STAG1: variants seen among roughly 807,000 people sequenced by gnomAD.
The protein encoded by STAG1 is STAG1 cohesin complex component.
Under a neutral mutation model 170.9 loss-of-function variants are expected in STAG1, and 26 were observed. The ratio of observed to expected loss-of-function variants is 0.15; its 90% confidence interval spans 0.11 to 0.21. The LOEUF is 0.21. STAG1 is among the 10% of genes least tolerant of loss of function. STAG1 has a pLI of 1.00. For missense variants in STAG1, 964 were observed against 1,509.5 expected, an observed-to-expected ratio of 0.64 and a Z score of 5.99; for synonymous variants, 514 against 497.7, an observed-to-expected ratio of 1.03 and a Z score of -0.44.
intron 1 of STAG1, among the ~76,000 whole-genome samples, chr3:136,710,551 T>G (rs1174794409): frequency 6.6e-6 from 1 of 152,190 alleles, no homozygotes; most frequent in Non-Finnish European, 1.5e-5. Flanking sequence ...TCTTTTTACT[T>G]CACTTCCACT....
chr3:136,514,788 C>G (rs1267716442), intron 7 of STAG1, among the ~76,000 whole-genome samples: 4 of 152,070 alleles, frequency 2.6e-5, no homozygotes, highest in African/African-American at 9.7e-5. Flanking sequence ...TGGAAACCAT[C>G]ATTCTCAGCA....
In STAG1 at chr3:136,432,977, G is replaced by A. The variant is rs1341186070; in HGVS notation, c.1650+579C>T. On this transcript the variant is annotated intron_variant, in intron 16 of 33. Coordinates refer to ENST00000383202, the MANE Select transcript of STAG1 (RefSeq NM_005862.3). ...CAGGAAAAAATATTTCCCAATGTGTGTTTTTTTTTTAATCTTTGGTGAATT... is the reference window on the plus strand; with the variant it reads ...CAGGAAAAAATATTTCCCAATGTGTATTTTTTTTTTAATCTTTGGTGAATT... Among the ~76,000 whole-genome samples, 5 of 148,540 alleles carry A rather than the reference G, an allele frequency of 3.4e-5. No individual in the cohort carries two copies. In the South Asian group the frequency reaches 1.1e-3, roughly 32 times the overall value.
At chr3:136,475,443 A>AG (rs1398096707) in intron 10 of STAG1, among the ~76,000 whole-genome samples, 2 of 152,094 alleles carry the variant, frequency 1.3e-5, no homozygotes, top group East Asian at 3.9e-4. Context: ...CATCATGCCC[A>AG]GCCAACAGGT....
At chr3:136,404,480 G>A (rs1204383806) in intron 21 of STAG1, among the ~76,000 whole-genome samples, 1 of 152,140 alleles carries the variant, frequency 6.6e-6, no homozygotes, top group Non-Finnish European at 1.5e-5. Flanking sequence ...AATGACTGGG[G>A]AGAGCAATTA....
chr3:136,600,866 GTTTGT>G (rs147103499), intron 4 of STAG1, among the ~76,000 whole-genome samples: 78,741 of 146,156 alleles, frequency 0.54, 21,798 homozygotes, highest in Admixed American at 0.65. Flanking sequence ...TTGTTTGTTT[GTTTGT>G]TTTGTTTTGT....
rs371203655 is a variant in STAG1 at position 136,732,436 on chromosome 3, A to G, written c.-84+19759T>C. Among the ~76,000 whole-genome samples the G allele has an allele frequency of 3.1e-4, 47 of 152,302 alleles. No homozygotes were observed. The South Asian group carries it at 8.9e-3, about 29-fold the overall frequency. ...CATAAATAATCCTGATAAAGCCATC[A>G]AAATTTATCAACTACCAAAGAAGCA... is the stretch of plus-strand genomic sequence containing the variant. On this transcript the variant is annotated intron_variant, in intron 1 of 33. Coordinates refer to ENST00000383202, the MANE Select transcript of STAG1 (RefSeq NM_005862.3).
chr3:136,440,609 G>T (rs1471887536), intron 15 of STAG1, among the ~76,000 whole-genome samples: 1 of 152,038 alleles, frequency 6.6e-6, no homozygotes, highest in African/African-American at 2.4e-5. Context: ...ATACTAACCT[G>T]AGGCCCTTTA....
chr3:136,349,199 T>A lies in STAG1; in HGVS notation c.3230A>T (p.Asn1077Ile). 1 of 1,614,176 alleles carries A rather than the reference T, an allele frequency of 6.2e-7. No individual in the cohort carries two copies. ...ATGAAGTGGAGGTCGTCCTTTCTTA[T>A]TCCTTACTGATGAGGTTTTGCTGCT... The part of the protein sequence containing the change: ...SSSSKTSSVR[N>I]KKGRPPLHKK... The change falls in exon 29 of 34, where the codon AAT becomes ATT. Residue 1077 changes from asparagine (N) to isoleucine (I), a missense_variant. Asn to Ile is a moderately radical substitution (Grantham distance 149). Transcript: ENST00000383202.
At chr3:136,449,109 G>C (rs2088864846) in intron 14 of STAG1, among the ~76,000 whole-genome samples, 1 of 152,088 alleles carries the variant, frequency 6.6e-6, no homozygotes, top group African/African-American at 2.4e-5. Flanking sequence ...ATTCATCCTA[G>C]GTGTACACTA....
chr3:136,751,609 A>C (rs962130436), intron 1 of STAG1, among the ~76,000 whole-genome samples: 2 of 148,736 alleles, frequency 1.3e-5, no homozygotes, highest in Non-Finnish European at 3.0e-5. Flanking sequence ...CCGCTGCCCC[A>C]CCCCGCCAAC....
chr3:136,513,220 T>C (rs1286654485), intron 7 of STAG1, among the ~76,000 whole-genome samples: 2 of 151,966 alleles, frequency 1.3e-5, no homozygotes, highest in African/African-American at 2.4e-5. Flanking sequence ...CCAGGCATGG[T>C]GGCACATGCC....
At chr3:136,526,463 T>A (rs1935036157) in intron 6 of STAG1, among the ~76,000 whole-genome samples, 1 of 152,174 alleles carries the variant, frequency 6.6e-6, no homozygotes, top group Non-Finnish European at 1.5e-5. Flanking sequence ...TCTTCCTCCA[T>A]CCCTTTATTT....
intron 16 of STAG1, among the ~76,000 whole-genome samples, chr3:136,424,328 CTTTT>C (rs60213699): frequency 3.4e-5 from 4 of 117,184 alleles, no homozygotes; most frequent in Admixed American, 8.8e-5. Flanking sequence ...ATGGAACGAT[CTTTT>C]TTTTTTTTTT....
At chr3:136,593,173 G>T (rs917745586) in intron 4 of STAG1, among the ~76,000 whole-genome samples, 14 of 152,080 alleles carry the variant, frequency 9.2e-5, no homozygotes, top group African/African-American at 3.4e-4. Flanking sequence ...GGTCACTCGC[G>T]CATGTTTTTT....
intron 4 of STAG1, among the ~76,000 whole-genome samples, chr3:136,570,630 T>C (rs947225849): frequency 6.6e-6 from 1 of 152,220 alleles, no homozygotes; most frequent in Non-Finnish European, 1.5e-5. Context: ...CAAGTTGTAA[T>C]AAATCACACT....
intron 3 of STAG1, among the ~76,000 whole-genome samples, chr3:136,614,521 AAT>A (rs1292656502): frequency 1.3e-5 from 2 of 152,234 alleles, no homozygotes; most frequent in Non-Finnish European, 2.9e-5. Context: ...TTTCATGGAA[AAT>A]ATGTTACATA....
chr3:136,528,158 G>T (rs947370328), intron 6 of STAG1, among the ~76,000 whole-genome samples: 7 of 152,178 alleles, frequency 4.6e-5, no homozygotes, highest in Non-Finnish European at 1.0e-4. Context: ...GCTGCGTTTT[G>T]TTCAGCTATG....
At chr3:136,736,060 A>G (rs1363425308) in intron 1 of STAG1, among the ~76,000 whole-genome samples, 1 of 152,230 alleles carries the variant, frequency 6.6e-6, no homozygotes, top group African/African-American at 2.4e-5. Context: ...CCCAGAAGCA[A>G]GCAACTGAAG....
At chr3:136,420,139 C>A (rs1457152581) in intron 20 of STAG1, among the ~76,000 whole-genome samples, 3 of 149,160 alleles carry the variant, frequency 2.0e-5, no homozygotes, top group Non-Finnish European at 4.4e-5. Flanking sequence ...CCCAGCTACT[C>A]GAGAGGCTAA....
Sources: gnomAD v4.1 joint callset for allele counts (sites outside exome capture counted in the v4.1 genomes callset) on GRCh38, gnomAD v4.1.1 for gene constraint, MANE v1.5 for transcripts, NCBI Gene and HGNC (gene_info 2026-07-23, HGNC 2026-07-21) for gene names.